Variants in PHKA1 observed in about 807,000 individuals in gnomAD.
PHKA1 encodes phosphorylase kinase regulatory subunit alpha 1.
A neutral mutation model predicts 110.2 loss-of-function variants in PHKA1; 60 were observed. That is an observed-to-expected ratio of 0.54 (90% CI 0.44 to 0.68). The LOEUF (loss-of-function observed/expected upper bound fraction) is 0.68. Among genes scored for constraint, PHKA1 ranks in the 30% least tolerant of loss-of-function variants. The pLI is 0.00. For missense variants in PHKA1, 801 were observed against 942.5 expected (o/e 0.85, Z 1.97); for synonymous variants, 316 against 333.6 (o/e 0.95, Z 0.58).
In PHKA1 at chrX:72,638,670, CT is replaced by C. The variant is rs1189599874; in HGVS notation, c.1460-2285del. ...TGTGTTTTAGGATTTGTATTTGAGG[CT>C]TTCTAAGAACTCGTCTATTTATGGT... On this transcript the variant is annotated intron_variant, in intron 14 of 31. Coordinates refer to ENST00000373542, the MANE Select transcript of PHKA1 (RefSeq NM_002637.4). Among the ~76,000 whole-genome samples the C allele has an allele frequency of 1.2e-4, 13 of 111,097 alleles. 1 individual carries two copies. Among genetic ancestry groups the C allele is most frequent in the Admixed American group, 1.1e-3 (11 of 10,455 alleles).
At chrX:72,654,540 A>C (rs782338726) in intron 10 of PHKA1, among the ~76,000 whole-genome samples, 1 of 111,737 alleles carries the variant, frequency 8.9e-6, no homozygotes, top group South Asian at 3.8e-4. Context: ...TGGGCATGAG[A>C]GCCAGGTGGG....
intron 18 of PHKA1, chrX:72,621,692 C>A: frequency 1.7e-6 from 1 of 597,379 alleles, no homozygotes; most frequent in Non-Finnish European, 2.0e-6. Context: ...GTGACTAATG[C>A]GAACTAGTAG....
chrX:72,587,124 T>A (rs782513989), intron 29 of PHKA1, among the ~76,000 whole-genome samples: 117 of 109,964 alleles, frequency 1.1e-3, no homozygotes, highest in Admixed American at 2.6e-3. Flanking sequence ...CCAAGACACA[T>A]AATTGTCAGA....
intron 4 of PHKA1, among the ~76,000 whole-genome samples, chrX:72,686,823 T>A (rs1403411436): frequency 1.7e-4 from 19 of 112,027 alleles, no homozygotes; most frequent in African/African-American, 6.2e-4. Context: ...TTTTGATACA[T>A]TTCAGAGTAA....
intron 6 of PHKA1, among the ~76,000 whole-genome samples, chrX:72,668,201 G>T (rs1223789426): frequency 8.9e-6 from 1 of 111,784 alleles, no homozygotes; most frequent in Non-Finnish European, 1.9e-5. Context: ...TGAGGTCGGG[G>T]ATTATGTCTT....
At chrX:72,687,015 G>A (rs1556319079) in intron 4 of PHKA1, among the ~76,000 whole-genome samples, 1 of 111,752 alleles carries the variant, frequency 8.9e-6, no homozygotes. Flanking sequence ...TCTCACTTTA[G>A]TGGATAAGAA....
Position 72,582,562 on chromosome X carries a change from C to A in PHKA1, c.3334G>T (p.Glu1112Ter), listed in dbSNP as rs137852546. Residue 1112 changes from glutamate (E) to a stop codon, truncating the protein, a stop_gained, in exon 31 of 32, where the codon GAG (glutamate) becomes TAG (stop). Transcript: ENST00000373542. LOFTEE classifies it high-confidence loss of function. ...PGEIKFSVHV[E>*]SVLNRVPQPE... ...TGAGGTACACGATTCAGGACAGACT[C>A]CACATGAACAGAGAATTTAATCTCA... 9 of 1,200,593 alleles carry A rather than the reference C, an allele frequency of 7.5e-6. No individual in the cohort carries two copies. Among genetic ancestry groups the A allele is most frequent in the Non-Finnish European group, 9.0e-6 (8 of 886,935 alleles).
At chrX:72,705,957 C>A (rs782474168) in intron 2 of PHKA1, among the ~76,000 whole-genome samples, 11 of 112,042 alleles carry the variant, frequency 9.8e-5, no homozygotes, top group Admixed American at 2.8e-4. Flanking sequence ...TAGCACTGAA[C>A]AGTTTCTCTA....
intron 3 of PHKA1, chrX:72,697,119 C>T (rs1016611833): frequency 7.2e-5 from 8 of 111,542 alleles, no homozygotes; most frequent in Non-Finnish European, 1.5e-4. Context: ...ACGCTTCTAA[C>T]GGGGAAGATG....
chrX:72,638,577 T>A (rs1380410191), intron 14 of PHKA1, among the ~76,000 whole-genome samples: 1 of 111,172 alleles, frequency 9.0e-6, no homozygotes, highest in Admixed American at 9.6e-5. Flanking sequence ...CAGAGAAGAT[T>A]CAGTTTATTT....
At chrX:72,593,621 G>A (rs915179391) in intron 28 of PHKA1, among the ~76,000 whole-genome samples, 2 of 112,399 alleles carry the variant, frequency 1.8e-5, no homozygotes, top group Non-Finnish European at 3.8e-5. Context: ...GATTACAGGC[G>A]TGAGCCACCA....
At chrX:72,598,927 G>T in intron 28 of PHKA1, among the ~76,000 whole-genome samples, 1 of 110,889 alleles carries the variant, frequency 9.0e-6, no homozygotes, top group Admixed American at 9.5e-5. Flanking sequence ...AGTGACTATC[G>T]CACTGATCTA....
chrX:72,687,351 T>C (rs1556319214), intron 4 of PHKA1, among the ~76,000 whole-genome samples: 1 of 111,975 alleles, frequency 8.9e-6, no homozygotes, highest in African/African-American at 3.2e-5. Flanking sequence ...AAGTATGCAT[T>C]GTAAGTATAT....
chrX:72,581,620 T>C (rs782658222), intron 31 of PHKA1, among the ~76,000 whole-genome samples: 9 of 111,890 alleles, frequency 8.0e-5, no homozygotes, highest in Non-Finnish European at 1.5e-4. Flanking sequence ...TCAAATAGAC[T>C]AAGTTTTCTG....
chrX:72,594,206 A>G (rs1383392420), intron 28 of PHKA1, among the ~76,000 whole-genome samples: 9 of 110,036 alleles, frequency 8.2e-5, no homozygotes, highest in African/African-American at 3.0e-4. Context: ...GAAAGGATAA[A>G]TGTCTCAAAT....
rs782394086 is a variant in PHKA1, at chrX:72,669,240, T to C, written c.619-1767A>G. 5.4e-5 allele frequency among the ~76,000 whole-genome samples: 6 copies of C among 111,644 alleles called. No homozygotes were observed. In the South Asian group the frequency reaches 2.3e-3, roughly 43 times the overall value. On this transcript the variant is annotated intron_variant, in intron 6 of 31. Transcript: ENST00000373542. The stretch of plus-strand genomic sequence containing the variant: ...GTCCTGCCCTAGTGGGAACTCTCTG[T>C]GGAAGCTGCAACCCCATGTTTCTGC...
chrX:72,675,943 TG>T, intron 6 of PHKA1, 126 bp downstream of exon 6: 2 of 531,634 alleles, frequency 3.8e-6, no homozygotes, highest in East Asian at 7.3e-5. Flanking sequence ...AGAATCTGAA[TG>T]TTGCCTGTGG....
intron 5 of PHKA1, among the ~76,000 whole-genome samples, chrX:72,679,924 G>A (rs1198621461): frequency 1.8e-5 from 2 of 111,355 alleles, no homozygotes; most frequent in African/African-American, 6.5e-5. Context: ...GATCTATGGA[G>A]CTAAATGGAC....
intron 31 of PHKA1, 33 bp downstream of exon 31, chrX:72,582,365 T>C: frequency 9.6e-7 from 1 of 1,044,904 alleles, no homozygotes; most frequent in Non-Finnish European, 1.3e-6. Flanking sequence ...AGTAAAAACA[T>C]TTCTCTATTG....
Sources: gnomAD v4.1 joint callset for allele counts (sites outside exome capture counted in the v4.1 genomes callset) on GRCh38, gnomAD v4.1.1 for gene constraint, MANE v1.5 for transcripts, NCBI Gene and HGNC (gene_info 2026-07-23, HGNC 2026-07-21) for gene names.